Variants in THRB observed in about 807,000 individuals in gnomAD.
THRB encodes nuclear receptor subfamily 1 group A member 2.
Under a neutral mutation model 47.8 loss-of-function variants are expected in THRB, and 12 were observed. The observed-to-expected ratio is 0.25, with a 90% confidence interval of 0.16 to 0.41. THRB has a LOEUF of 0.41. Ranked by LOEUF, THRB falls within the 10% of genes least tolerant of loss-of-function variation. THRB has a pLI of 1.00. For synonymous variants in THRB, 218 were observed against 212.2 expected, an observed-to-expected ratio of 1.03 and a Z score of -0.24; for missense variants, 348 against 589.2, an observed-to-expected ratio of 0.59 and a Z score of 4.24.
intron 8 of THRB, among the ~76,000 whole-genome samples, chr3:24,136,514 TA>T (rs2034697376): frequency 6.6e-6 from 1 of 152,224 alleles, no homozygotes; most frequent in Non-Finnish European, 1.5e-5. Flanking sequence ...TTTTCTAAAA[TA>T]TTTGGAAGAT....
chr3:24,284,545 C>A (rs1432566346), intron 3 of THRB, among the ~76,000 whole-genome samples: 1 of 151,714 alleles, frequency 6.6e-6, no homozygotes, highest in Non-Finnish European at 1.5e-5. Context: ...TCTAAAACAC[C>A]AAAAGCAATG....
chr3:24,136,841 C>G (rs1295373882), intron 8 of THRB, among the ~76,000 whole-genome samples: 1 of 152,206 alleles, frequency 6.6e-6, no homozygotes, highest in Non-Finnish European at 1.5e-5. Context: ...GCCCAGCTGT[C>G]TGCTCTATGT....
intron 1 of THRB, among the ~76,000 whole-genome samples, chr3:24,417,651 A>C (rs1022596966): frequency 6.6e-6 from 1 of 151,894 alleles, no homozygotes; most frequent in Admixed American, 6.6e-5. Context: ...ACACGCTCTC[A>C]TAAGAAAATG....
intron 4 of THRB, among the ~76,000 whole-genome samples, chr3:24,198,328 T>C (rs2044202289): frequency 6.6e-6 from 1 of 152,124 alleles, no homozygotes; most frequent in African/African-American, 2.4e-5. Flanking sequence ...TTATAGGTTA[T>C]AGGACCTCAC....
chr3:24,173,814 A>G (rs1367825866), intron 5 of THRB, among the ~76,000 whole-genome samples: 2 of 152,166 alleles, frequency 1.3e-5, no homozygotes, highest in African/African-American at 4.8e-5. Context: ...AGCTTCAGCT[A>G]TTGCCCGTGT....
chr3:24,408,126 T>C (rs1177617377), intron 1 of THRB, among the ~76,000 whole-genome samples: 6 of 151,876 alleles, frequency 4.0e-5, no homozygotes, highest in African/African-American at 1.4e-4. Context: ...TGATGAATGA[T>C]AGACATATTT....
chr3:24,261,905 C>A (rs754204531), intron 3 of THRB, among the ~76,000 whole-genome samples: 1 of 152,218 alleles, frequency 6.6e-6, no homozygotes, highest in African/African-American at 2.4e-5. Flanking sequence ...CCAGCCTTTA[C>A]AAGCTACAAG....
chr3:24,336,964 C>T (rs578138179), intron 2 of THRB, among the ~76,000 whole-genome samples: 10 of 152,114 alleles, frequency 6.6e-5, no homozygotes, highest in South Asian at 2.1e-4. Flanking sequence ...CCTCATGATC[C>T]GCCTGCCTTT....
chr3:24,223,057 A>C (rs1268855463), intron 4 of THRB, among the ~76,000 whole-genome samples: 1 of 152,196 alleles, frequency 6.6e-6, no homozygotes, highest in Non-Finnish European at 1.5e-5. Context: ...TCGTGTTGGC[A>C]TTCTGCATCG....
At chr3:24,397,328 C>T (rs1418450766) in intron 1 of THRB, among the ~76,000 whole-genome samples, 1 of 152,114 alleles carries the variant, frequency 6.6e-6, no homozygotes, top group Non-Finnish European at 1.5e-5. Context: ...AAATTATTGC[C>T]ATTGATGTGA....
intron 1 of THRB, among the ~76,000 whole-genome samples, chr3:24,481,728 C>A (rs887181216): frequency 1.3e-5 from 2 of 151,152 alleles, no homozygotes; most frequent in Non-Finnish European, 2.9e-5. Flanking sequence ...TTAATCAGGG[C>A]AGGATTTCAG....
intron 4 of THRB, among the ~76,000 whole-genome samples, chr3:24,223,626 G>A (rs1287315075): frequency 1.3e-5 from 2 of 152,088 alleles, no homozygotes; most frequent in African/African-American, 4.8e-5. Context: ...GTAAAGGATG[G>A]CTTGAAATTC....
chr3:24,272,395 A>AAAAAACCAACC (rs2053445439), intron 3 of THRB, among the ~76,000 whole-genome samples: 1 of 151,864 alleles, frequency 6.6e-6, no homozygotes, highest in South Asian at 2.1e-4. Context: ...CAAACAAACA[A>AAAAAACCAACC]AAAAACCAAC....
chr3:24,416,979 A>C (rs1388583085), intron 1 of THRB, among the ~76,000 whole-genome samples: 1 of 151,940 alleles, frequency 6.6e-6, no homozygotes, highest in Non-Finnish European at 1.5e-5. Context: ...ATAAGAAAGC[A>C]GATATTTCTT....
At chr3:24,452,817 T>G (rs6791065) in intron 1 of THRB, among the ~76,000 whole-genome samples, 151,464 of 152,262 alleles carry the variant, frequency 0.99, 75,363 homozygotes, top group Middle Eastern at 1. Context: ...AGAAAACTGG[T>G]CTTGTTAAAT....
At chr3:24,344,649 T>C (rs543275111) in intron 1 of THRB, among the ~76,000 whole-genome samples, 167 of 151,872 alleles carry the variant, frequency 1.1e-3, no homozygotes, top group African/African-American at 3.8e-3. Flanking sequence ...AAAAATAATG[T>C]TTTAACCTGT....
rs1049287491 is a variant in THRB, at chr3:24,299,730, A to C, written c.-188-2359T>G. Among the ~76,000 whole-genome samples the C allele has an allele frequency of 2.7e-5, 4 of 148,138 alleles. No homozygotes were observed. In the Admixed American group the frequency reaches 2.7e-4, roughly 10 times the overall value. On this transcript the variant is annotated intron_variant, in intron 2 of 10. Coordinates refer to ENST00000646209, the MANE Select transcript of THRB (RefSeq NM_001354712.2). ...TCAGTACATCTGAATTCTTAACAGA[A>C]ATTCCAGGAAGCCTTGAGGCTTCTG...
chr3:24,378,788 T>G (rs944313370), intron 1 of THRB, among the ~76,000 whole-genome samples: 1 of 152,146 alleles, frequency 6.6e-6, no homozygotes, highest in East Asian at 1.9e-4. Flanking sequence ...CTAACTTTAT[T>G]AATAAAAATT....
chr3:24,228,516 A>G (rs184386717), intron 4 of THRB, among the ~76,000 whole-genome samples: 4 of 151,910 alleles, frequency 2.6e-5, no homozygotes, highest in African/African-American at 9.7e-5. Context: ...CTGTAAATCC[A>G]AGCACTTTGG....
Sources: allele counts gnomAD v4.1 joint callset (sites outside exome capture counted in the v4.1 genomes callset), GRCh38; gene constraint gnomAD v4.1.1; transcripts MANE v1.5; gene names NCBI Gene and HGNC (gene_info 2026-07-23, HGNC 2026-07-21).